KCTD1: variants seen among roughly 807,000 people sequenced by gnomAD.
KCTD1 encodes potassium channel tetramerization domain containing 1.
A neutral mutation model predicts 66.0 loss-of-function variants in KCTD1; 24 were observed. The ratio of observed to expected loss-of-function variants is 0.36; its 90% confidence interval spans 0.26 to 0.51. The LOEUF is 0.51. KCTD1 is among the 20% of genes least tolerant of loss of function. The probability of loss-of-function intolerance (pLI) is 0.95; values close to 1 mark genes in which losing one functional copy is unlikely to be tolerated. For missense variants in KCTD1, 943 were observed against 1,205.2 expected, an observed-to-expected ratio of 0.78 and a Z score of 3.22; for synonymous variants, 511 against 517.2, an observed-to-expected ratio of 0.99 and a Z score of 0.16.
intron 1 of KCTD1, among the ~76,000 whole-genome samples, chr18:26,567,679 G>A (rs1986015517): frequency 6.6e-6 from 1 of 151,734 alleles, no homozygotes; most frequent in Admixed American, 6.6e-5. Flanking sequence ...GTAGAGACGA[G>A]GGTTTCACCA....
intron 1 of KCTD1, chr18:26,544,704 A>G (rs1051731239): frequency 7.9e-5 from 12 of 152,212 alleles, no homozygotes; most frequent in African/African-American, 2.9e-4. Context: ...TCTTACAGTG[A>G]TTTTAATATA....
Position 26,626,355 on chromosome 18 carries a change from T to G in KCTD1, c.-16+2792A>C, listed in dbSNP as rs148286331. ...AAAACCAAGAAATAAATAAATAAGATAACTTTATCTATTGGTAAGTTCAAT... is the reference window on the plus strand; with the variant it reads ...AAAACCAAGAAATAAATAAATAAGAGAACTTTATCTATTGGTAAGTTCAAT... On this transcript the variant is annotated intron_variant, in intron 1 of 4. Coordinates refer to the KCTD1 transcript ENST00000317932. Among the ~76,000 whole-genome samples, 780 of 151,894 alleles carry G rather than the reference T, an allele frequency of 5.1e-3. 11 individuals are homozygous for G. Among genetic ancestry groups the G allele is most frequent in the Middle Eastern group, 0.01 (3 of 294 alleles).
chr18:26,548,499 C>G lies in KCTD1; in HGVS notation c.38G>C (p.Ser13Thr). ...GGCAGCGCTGGCGCTGCCGCCCGCG[C>G]TGGTGTTACAGTCCCCGCTGCCAGG... The part of the protein sequence containing the change: ...RMPGSGDCNT[S>T]AGGSASAAAA... Residue 13 changes from serine (S) to threonine (T), a missense_variant, in exon 1 of 5, where the codon AGC (serine) becomes ACC (threonine). By Grantham distance (58) the Ser-to-Thr change is moderately conservative. This residue lies in a region of KCTD1 where 236 missense variants were observed against 206.6 expected (regional missense o/e 1.14). Transcript: ENST00000580059. The G allele has an allele frequency of 8.0e-7, 1 of 1,249,112 alleles. No individual in the cohort carries two copies. Among genetic ancestry groups the G allele is most frequent in the Non-Finnish European group, 1.0e-6 (1 of 1,004,004 alleles). The allele number at this position is 1,249,112 out of a possible 1,614,324, so 77.4% of individuals were successfully genotyped here. A position where few individuals can be genotyped will look rare whatever the true frequency, so the allele number is the denominator to read the frequency against.
At chr18:26,506,561 T>C (rs1022470283) in intron 1 of KCTD1, among the ~76,000 whole-genome samples, 1 of 152,212 alleles carries the variant, frequency 6.6e-6, no homozygotes, top group Admixed American at 6.5e-5. Flanking sequence ...TATTTTTTTC[T>C]CCAAGGTTGA....
chr18:26,543,392 C>G lies in KCTD1; in HGVS notation c.1809+3336G>C, dbSNP rs1985066127. The G allele has an allele frequency of 2.0e-5, 3 of 152,242 alleles. No homozygotes were observed. In the South Asian group the frequency reaches 6.2e-4, roughly 31 times the overall value. 9.4% of individuals were successfully genotyped at this position (152,242 alleles called of 1,614,324 possible). Reference sequence around the variant, plus strand: ...TAAGAAATAAAGAACATCCCTCCCTCTTAGTCTTCAAATTCAAAATAGGAC... The same window carrying G: ...TAAGAAATAAAGAACATCCCTCCCTGTTAGTCTTCAAATTCAAAATAGGAC... On this transcript the variant is annotated intron_variant, in intron 1 of 4. Transcript: ENST00000580059.
intron 3 of KCTD1, among the ~76,000 whole-genome samples, chr18:26,463,694 G>A (rs980084469): frequency 5.9e-5 from 9 of 152,072 alleles, no homozygotes; most frequent in East Asian, 3.9e-4. Flanking sequence ...CCACCACTAC[G>A]CCCGGCTAAT....
chr18:26,584,210 C>T (rs570963719), intron 1 of KCTD1, among the ~76,000 whole-genome samples: 1 of 152,256 alleles, frequency 6.6e-6, no homozygotes, highest in East Asian at 1.9e-4. Flanking sequence ...CGTGGATCCA[C>T]CTGTGTTATC....
At chr18:26,551,022 G>T (rs975270774), upstream of KCTD1, among the ~76,000 whole-genome samples, 1 of 152,270 alleles carries the variant, frequency 6.6e-6, no homozygotes, top group Admixed American at 6.5e-5. Flanking sequence ...CCAGGCCCAC[G>T]CTGCAGCCTG....
At chr18:26,577,799 C>G (rs916389831) in intron 1 of KCTD1, among the ~76,000 whole-genome samples, 3 of 151,990 alleles carry the variant, frequency 2.0e-5, no homozygotes, top group Non-Finnish European at 4.4e-5. Flanking sequence ...GTCTTGAACA[C>G]CAGACCTCAA....
intron 1 of KCTD1, among the ~76,000 whole-genome samples, chr18:26,627,413 G>C (rs1183574456): frequency 6.6e-6 from 1 of 152,056 alleles, no homozygotes; most frequent in Non-Finnish European, 1.5e-5. Flanking sequence ...ATTGAACCAT[G>C]TACAATTGTC....
At chr18:26,527,502 GC>G (rs1984227364) in intron 1 of KCTD1, among the ~76,000 whole-genome samples, 1 of 141,214 alleles carries the variant, frequency 7.1e-6, no homozygotes, top group South Asian at 2.5e-4. Flanking sequence ...AGGGGGGGGG[GC>G]GTGGGAGGGA....
upstream of KCTD1, among the ~76,000 whole-genome samples, chr18:26,642,033 A>G (rs1251525133): frequency 6.6e-6 from 1 of 152,200 alleles, no homozygotes; most frequent in African/African-American, 2.4e-5. Flanking sequence ...AGTGCTCTCT[A>G]GATGTTGCTC....
chr18:26,473,860 C>G (rs12953992), intron 3 of KCTD1, among the ~76,000 whole-genome samples: 121,039 of 152,078 alleles, frequency 0.8, 50,843 homozygotes, highest in Non-Finnish European at 0.95. Context: ...AGTTATTACA[C>G]TCTCTCTATT....
chr18:26,517,131 G>GAAGCGGGACA (rs1309415763), intron 1 of KCTD1, among the ~76,000 whole-genome samples: 1 of 152,214 alleles, frequency 6.6e-6, no homozygotes, highest in African/African-American at 2.4e-5. Context: ...CACACTCTGA[G>GAAGCGGGACA]AAGCGGGACA....
At chr18:26,521,632 T>C (rs1983916031) in intron 1 of KCTD1, among the ~76,000 whole-genome samples, 1 of 152,244 alleles carries the variant, frequency 6.6e-6, no homozygotes, top group Non-Finnish European at 1.5e-5. Context: ...GCTGGATTTA[T>C]AGTTATTAAA....
intron 4 of KCTD1, 117 bp from the exon 5 acceptor site, chr18:26,456,018 C>T: frequency 1.1e-6 from 1 of 919,460 alleles, no homozygotes; most frequent in South Asian, 1.8e-5. Context: ...CACCCATGTC[C>T]CTGTGAGCTG....
intron 1 of KCTD1, among the ~76,000 whole-genome samples, chr18:26,568,575 A>T (rs1986035142): frequency 6.6e-6 from 1 of 152,080 alleles, no homozygotes; most frequent in Non-Finnish European, 1.5e-5. Context: ...TTCCTACAAC[A>T]TAAAAAAAAA....
At chr18:26,556,646 G>T (rs1395957548) in intron 1 of KCTD1, among the ~76,000 whole-genome samples, 1 of 152,218 alleles carries the variant, frequency 6.6e-6, no homozygotes, top group African/African-American at 2.4e-5. Context: ...GTGAATGCTT[G>T]CTGTGGGCCT....
Position 26,546,709 on chromosome 18 carries a change from T to G in KCTD1, c.1809+19A>C. On this transcript the variant is annotated intron_variant, in intron 1 of 4. Coordinates refer to ENST00000580059, the MANE Select transcript of KCTD1 (RefSeq NM_001142730.3). ...TGGTACCAAAGAAACATTTCATGCA[T>G]AGAGTTTGGTTTGGTTACCTGGGTG... 1 of 1,535,146 alleles carries G rather than the reference T, an allele frequency of 6.5e-7. No homozygotes were observed. Among genetic ancestry groups the G allele is most frequent in the Non-Finnish European group, 8.8e-7 (1 of 1,140,614 alleles).
Sources: allele counts gnomAD v4.1 joint callset (sites outside exome capture counted in the v4.1 genomes callset), GRCh38; gene constraint gnomAD v4.1.1; regional missense constraint gnomAD v4.1.1; transcripts MANE v1.5; gene names NCBI Gene and HGNC (gene_info 2026-07-23, HGNC 2026-07-21).